Variants in ATP8A2 observed in about 807,000 individuals in gnomAD.
ATP8A2 encodes the protein phospholipid-transporting ATPase IB.
A neutral mutation model predicts 165.6 loss-of-function variants in ATP8A2; 100 were observed. The observed-to-expected ratio is 0.60, with a 90% CI of 0.51 to 0.71. The LOEUF (loss-of-function observed/expected upper bound fraction) is 0.71. ATP8A2 is among the 30% of genes least tolerant of loss of function. ATP8A2 has a pLI of 0.00. For missense variants in ATP8A2, 1,227 were observed against 1,479.5 expected (o/e 0.83, Z 2.80); for synonymous variants, 543 against 548.8 (o/e 0.99, Z 0.15).
At position 25,886,174 on chromosome 13, in the gene ATP8A2, A is replaced by G. The variant is rs184323231; in HGVS notation, c.3183+23766A>G. On this transcript the variant is annotated intron_variant, in intron 33 of 36. Transcript: ENST00000381655. ...ATATCACGTCTTGGATAAAGTATAT[A>G]TATTTATGTATCTGTAACTAATGAA... Among the ~76,000 whole-genome samples, 153 of 152,332 alleles carry G rather than the reference A, an allele frequency of 1.0e-3. 1 individual carries two copies. The highest frequency in any genetic ancestry group is 1.4e-3 in the Non-Finnish European group (94 of 68,040).
chr13:25,720,556 T>C (rs1320599025), intron 25 of ATP8A2, among the ~76,000 whole-genome samples: 1 of 152,180 alleles, frequency 6.6e-6, no homozygotes, highest in Non-Finnish European at 1.5e-5. Context: ...GATCTCCGTG[T>C]GAAACTCTCA....
chr13:25,392,469 C>G (rs1402000588), intron 1 of ATP8A2, among the ~76,000 whole-genome samples: 2 of 152,214 alleles, frequency 1.3e-5, no homozygotes, highest in East Asian at 3.8e-4. Flanking sequence ...GTAAAATTAA[C>G]TTCCCTCTTT....
chr13:25,968,964 G>A (rs1006855023), intron 35 of ATP8A2, among the ~76,000 whole-genome samples: 2 of 152,154 alleles, frequency 1.3e-5, no homozygotes, highest in South Asian at 4.1e-4. Flanking sequence ...TCTTAAGGTG[G>A]AAGAGTCCAG....
At chr13:25,825,974 G>A (rs1362781509) in intron 27 of ATP8A2, among the ~76,000 whole-genome samples, 1 of 152,128 alleles carries the variant, frequency 6.6e-6, no homozygotes, top group African/African-American at 2.4e-5. Flanking sequence ...TGGTCAAAGG[G>A]TACAAAGTCT....
At chr13:25,601,987 T>G (rs963174130) in intron 24 of ATP8A2, among the ~76,000 whole-genome samples, 13 of 152,150 alleles carry the variant, frequency 8.5e-5, no homozygotes, top group Non-Finnish European at 1.8e-4. Context: ...TTGCTAAAAT[T>G]TTTGATAGAA....
rs74584654 is a variant in ATP8A2, at chr13:25,569,441, A to G, written c.1474-1326A>G. ...ACAGAAAACTCCATCAAAAGAGGAAACACATAGCTGCTTCCTTCACATGAA... is the reference window on the plus strand; with the variant it reads ...ACAGAAAACTCCATCAAAAGAGGAAGCACATAGCTGCTTCCTTCACATGAA... On this transcript the variant is annotated intron_variant, in intron 16 of 36. Coordinates refer to ENST00000381655, the MANE Select transcript of ATP8A2 (RefSeq NM_016529.6). 5.2e-3 allele frequency among the ~76,000 whole-genome samples: 794 copies of G among 152,338 alleles called. 7 individuals carry two copies. Among genetic ancestry groups the G allele is most frequent in the African/African-American group, 0.018 (759 of 41,580 alleles).
intron 25 of ATP8A2, 117 bp from the exon 26 acceptor site, chr13:25,768,929 A>G (rs1260001627): frequency 1.3e-5 from 12 of 947,106 alleles, no homozygotes; most frequent in Non-Finnish European, 1.8e-5. Flanking sequence ...CATAAAATGG[A>G]TGTATTGAAT....
chr13:25,920,791 C>T (rs1030139805), intron 33 of ATP8A2, among the ~76,000 whole-genome samples: 3 of 152,194 alleles, frequency 2.0e-5, no homozygotes, highest in Non-Finnish European at 4.4e-5. Context: ...AAAAACTGTT[C>T]GCATCCAGAG....
Position 25,396,688 on chromosome 13 carries a change from G to A in ATP8A2, c.76+24400G>A, listed in dbSNP as rs544315502. Among the ~76,000 whole-genome samples the A allele has an allele frequency of 2.0e-5, 3 of 152,206 alleles. No homozygotes were observed. The East Asian group carries it at 5.8e-4, about 29-fold the overall frequency. ...TTTGCTCTCACGAACTCTATTTTGG[G>A]GCTGGAAATTTCATGTTTTTAACAC... is the stretch of plus-strand genomic sequence containing the variant. On this transcript the variant is annotated intron_variant, in intron 1 of 36. Coordinates refer to ENST00000381655, the MANE Select transcript of ATP8A2 (RefSeq NM_016529.6).
intron 24 of ATP8A2, among the ~76,000 whole-genome samples, chr13:25,666,589 A>C (rs1336956713): frequency 6.6e-6 from 1 of 152,160 alleles, no homozygotes; most frequent in African/African-American, 2.4e-5. Flanking sequence ...TTGCTATTGG[A>C]AATATAGGAG....
chr13:25,580,316 G>T (rs1408082421), intron 22 of ATP8A2, among the ~76,000 whole-genome samples: 2 of 152,144 alleles, frequency 1.3e-5, no homozygotes, highest in Non-Finnish European at 1.5e-5. Flanking sequence ...AAGCTTTCTC[G>T]CACTAACTTA....
At chr13:25,979,945 A>T (rs533327808) in intron 35 of ATP8A2, among the ~76,000 whole-genome samples, 1 of 152,338 alleles carries the variant, frequency 6.6e-6, no homozygotes, top group Non-Finnish European at 1.5e-5. Context: ...AATCAGAGAA[A>T]AGCGTAACAG....
chr13:25,559,874 A>G (rs1333656617), intron 15 of ATP8A2, 109 bp downstream of exon 15: 1 of 819,436 alleles, frequency 1.2e-6, no homozygotes, highest in Non-Finnish European at 2.0e-6. Flanking sequence ...ATTGCACAGG[A>G]TGGAGTGCAG....
At chr13:25,458,996 A>G (rs1049991657) in intron 1 of ATP8A2, among the ~76,000 whole-genome samples, 20 of 152,202 alleles carry the variant, frequency 1.3e-4, no homozygotes, top group Non-Finnish European at 4.4e-5. Flanking sequence ...GACAAAGCCA[A>G]GCCAGACCAG....
chr13:25,399,038 C>G (rs575745046), intron 1 of ATP8A2, among the ~76,000 whole-genome samples: 30 of 152,100 alleles, frequency 2.0e-4, no homozygotes, highest in Non-Finnish European at 4.3e-4. Context: ...ACAGTGATCA[C>G]GAAATGCCAA....
chr13:25,947,692 G>A (rs1955249217), intron 33 of ATP8A2, among the ~76,000 whole-genome samples: 1 of 152,164 alleles, frequency 6.6e-6, no homozygotes, highest in Non-Finnish European at 1.5e-5. Context: ...TGAGGCTCTG[G>A]AGCACAACTT....
chr13:25,989,687 T>C (rs908160588), intron 35 of ATP8A2, among the ~76,000 whole-genome samples: 3 of 152,208 alleles, frequency 2.0e-5, no homozygotes, highest in Non-Finnish European at 4.4e-5. Context: ...TTATTTTCAG[T>C]GACCACCAGA....
rs747149781 is a variant in ATP8A2 at position 25,774,933 on chromosome 13, A to G, written c.2653A>G (p.Lys885Glu). 9.9e-6 allele frequency: 16 copies of G among 1,611,476 alleles called. No homozygotes were observed. The highest frequency in any genetic ancestry group is 1.7e-5 in the Admixed American group (1 of 59,990). ...CAAGTGCATCTTGTACTGCTTCTAT[A>G]AGAACGTGGTCCTGTATATTATTGA... ...VTKCILYCFYKNVVLYIIELW... is the reference protein window; with the variant it reads ...VTKCILYCFYENVVLYIIELW... Residue 885 changes from lysine (K) to glutamate (E), a missense_variant, in exon 27 of 37, where the codon AAG (lysine) becomes GAG (glutamate). By Grantham distance (56) the Lys-to-Glu change is moderately conservative. Coordinates refer to ENST00000381655, the MANE Select transcript of ATP8A2 (RefSeq NM_016529.6).
intron 27 of ATP8A2, among the ~76,000 whole-genome samples, chr13:25,816,642 A>C (rs1396902307): frequency 6.6e-6 from 1 of 152,166 alleles, no homozygotes; most frequent in African/African-American, 2.4e-5. Context: ...CACCTTTGCA[A>C]CTCCTACCCA....
Sources: allele counts gnomAD v4.1 joint callset (sites outside exome capture counted in the v4.1 genomes callset), GRCh38; gene constraint gnomAD v4.1.1; transcripts MANE v1.5; gene names NCBI Gene and HGNC (gene_info 2026-07-23, HGNC 2026-07-21).